The following TNFAIP8 variants were observed in gnomAD, a reference collection of about 807,000 sequenced individuals.
TNFAIP8 encodes TNF alpha induced protein 8.
In TNFAIP8, 7 loss-of-function variants were observed where a neutral mutation model predicts 13.3. The observed-to-expected ratio is 0.52, with a 90% CI of 0.30 to 0.99. The LOEUF (loss-of-function observed/expected upper bound fraction) is 0.99, where lower values mean the gene tolerates loss of function less well. Ranked by LOEUF, TNFAIP8 falls within the 50% of genes least tolerant of loss-of-function variation. The pLI is 0.07. For synonymous variants in TNFAIP8, 94 were observed against 87.6 expected (o/e 1.07, Z -0.41); for missense variants, 258 against 236.9 (o/e 1.09, Z -0.58).
intron 1 of TNFAIP8, among the ~76,000 whole-genome samples, chr5:119,369,671 C>T (rs932247237): frequency 2.9e-4 from 44 of 152,144 alleles, no homozygotes; most frequent in Non-Finnish European, 5.7e-4. Context: ...GTGTTTTACT[C>T]AATAGGTAGT....
intron 1 of TNFAIP8, among the ~76,000 whole-genome samples, chr5:119,356,452 C>G (rs531733290): frequency 1.3e-5 from 2 of 151,966 alleles, no homozygotes; most frequent in African/African-American, 4.8e-5. Flanking sequence ...GGGCTGCCTG[C>G]CTGCATCAGA....
chr5:119,389,405 T>C (rs1752808720), intron 1 of TNFAIP8, among the ~76,000 whole-genome samples: 1 of 126,318 alleles, frequency 7.9e-6, no homozygotes, highest in Non-Finnish European at 1.8e-5. Flanking sequence ...GTGGATGAGA[T>C]CACACAGGGG....
At chr5:119,317,018 C>A (rs1365729019) in intron 1 of TNFAIP8, among the ~76,000 whole-genome samples, 2 of 152,150 alleles carry the variant, frequency 1.3e-5, no homozygotes, top group African/African-American at 2.4e-5. Context: ...GAAGAAATGC[C>A]AGAGCAATGT....
intron 1 of TNFAIP8, among the ~76,000 whole-genome samples, chr5:119,371,648 T>A (rs1321901423): frequency 3.3e-5 from 5 of 152,252 alleles, no homozygotes; most frequent in African/African-American, 1.2e-4. Flanking sequence ...GCATGTACTT[T>A]TTATAATATA....
At position 119,396,425 on chromosome 5, in the gene TNFAIP8, A is replaced by G. The variant is rs1753074445; in HGVS notation, c.*3044A>G. ...CTTCTAGGTGCTCACAATGACTTTTAACGTTGACTTCTGAGGTGCAGTGAG... is the reference window on the plus strand; with the variant it reads ...CTTCTAGGTGCTCACAATGACTTTTGACGTTGACTTCTGAGGTGCAGTGAG... On this transcript the variant is annotated 3_prime_UTR_variant, in exon 2 of 2. Coordinates refer to ENST00000504771, the MANE Select transcript of TNFAIP8 (RefSeq NM_014350.4). 6.6e-6 allele frequency: 1 copy of G among 152,150 alleles called. No homozygotes were observed. Among genetic ancestry groups the G allele is most frequent in the Non-Finnish European group, 1.5e-5 (1 of 68,020 alleles). The allele number at this position is 152,150 out of a possible 1,614,324, so 9.4% of individuals were successfully genotyped here. A position where few individuals can be genotyped will look rare whatever the true frequency, so the allele number is the denominator to read the frequency against.
At chr5:119,312,545 G>A (rs773267422) in intron 1 of TNFAIP8, among the ~76,000 whole-genome samples, 38 of 152,070 alleles carry the variant, frequency 2.5e-4, no homozygotes, top group Middle Eastern at 3.4e-3. Context: ...GGACTCAAAT[G>A]ACACCGCCAG....
chr5:119,339,255 C>T (rs1048221797), intron 1 of TNFAIP8, among the ~76,000 whole-genome samples: 8 of 152,212 alleles, frequency 5.3e-5, no homozygotes, highest in African/African-American at 1.9e-4. Flanking sequence ...TTTCTGATGC[C>T]TCAGTGACCA....
At chr5:119,325,605 A>G (rs1212134378) in intron 1 of TNFAIP8, among the ~76,000 whole-genome samples, 1 of 151,858 alleles carries the variant, frequency 6.6e-6, no homozygotes, top group Non-Finnish European at 1.5e-5. Flanking sequence ...CCGCCACCAT[A>G]CCCGGCTAAT....
At chr5:119,310,295 G>A (rs923497757) in intron 1 of TNFAIP8, among the ~76,000 whole-genome samples, 1 of 151,912 alleles carries the variant, frequency 6.6e-6, no homozygotes, top group African/African-American at 2.4e-5. Flanking sequence ...TGGTAAGGTC[G>A]TCCTGGGAGA....
intron 1 of TNFAIP8, among the ~76,000 whole-genome samples, chr5:119,341,726 T>C (rs1750743111): frequency 6.6e-6 from 1 of 152,272 alleles, no homozygotes; most frequent in East Asian, 1.9e-4. Context: ...TTCCTGGCCT[T>C]TAGGGGCTGA....
intron 1 of TNFAIP8, among the ~76,000 whole-genome samples, chr5:119,360,104 A>G (rs997139766): frequency 2.0e-5 from 3 of 152,144 alleles, no homozygotes; most frequent in African/African-American, 7.2e-5. Flanking sequence ...TTTTTATCAT[A>G]TTGAATATGC....
At chr5:119,330,245 G>A (rs900349085) in intron 1 of TNFAIP8, among the ~76,000 whole-genome samples, 5 of 152,200 alleles carry the variant, frequency 3.3e-5, no homozygotes, top group African/African-American at 1.2e-4. Context: ...AGGGATTAGG[G>A]AACGTCCTGG....
intron 1 of TNFAIP8, among the ~76,000 whole-genome samples, chr5:119,381,277 A>G (rs1008679324): frequency 1.2e-4 from 18 of 152,220 alleles, no homozygotes; most frequent in Non-Finnish European, 8.8e-5. Flanking sequence ...GCCGTGGTTC[A>G]CGCTTGTAAT....
chr5:119,278,376 A>AGTGTGTGTGTGTGTGT (rs71591297), intron 1 of TNFAIP8, among the ~76,000 whole-genome samples: 2 of 108,238 alleles, frequency 1.8e-5, no homozygotes, highest in East Asian at 5.8e-4. Flanking sequence ...AGAGAGAGAG[A>AGTGTGTGTGTGTGTGT]GTGTGTGTGT....
Position 119,375,277 on chromosome 5 carries a change from G to A in TNFAIP8, c.32-17539G>A, listed in dbSNP as rs145727954. Among the ~76,000 whole-genome samples the A allele has an allele frequency of 4.2e-3, 646 of 152,234 alleles. 3 individuals carry two copies. Among genetic ancestry groups the A allele is most frequent in the African/African-American group, 0.014 (599 of 41,532 alleles). On this transcript the variant is annotated intron_variant, in intron 1 of 1. Coordinates refer to ENST00000504771, the MANE Select transcript of TNFAIP8 (RefSeq NM_014350.4). ...CTAGGCCTCTGTTTTTCTTCCTGTGGTCTCCACGGCTTCTTCTATCTCCTA... is the reference window on the plus strand; with the variant it reads ...CTAGGCCTCTGTTTTTCTTCCTGTGATCTCCACGGCTTCTTCTATCTCCTA...
chr5:119,381,916 C>T (rs1203013046), intron 1 of TNFAIP8, among the ~76,000 whole-genome samples: 2 of 151,514 alleles, frequency 1.3e-5, no homozygotes, highest in South Asian at 2.1e-4. Context: ...TGCAAGACTC[C>T]GTCTCAAAAA....
chr5:119,384,133 C>T (rs560454052), intron 1 of TNFAIP8, among the ~76,000 whole-genome samples: 3 of 152,296 alleles, frequency 2.0e-5, no homozygotes, highest in Admixed American at 6.5e-5. Flanking sequence ...CCTCAGTCAC[C>T]TCATTTCTAA....
At chr5:119,329,960 T>C (rs1750324058) in intron 1 of TNFAIP8, among the ~76,000 whole-genome samples, 2 of 152,140 alleles carry the variant, frequency 1.3e-5, no homozygotes, top group Non-Finnish European at 2.9e-5. Flanking sequence ...TCTCAGTCCC[T>C]GAGTCTCCTG....
chr5:119,284,325 T>C (rs1454204016), intron 1 of TNFAIP8, among the ~76,000 whole-genome samples: 1 of 152,018 alleles, frequency 6.6e-6, no homozygotes, highest in African/African-American at 2.4e-5. Flanking sequence ...GATGGAGATC[T>C]TGAATATTGT....
Sources: gnomAD v4.1 joint callset for allele counts (sites outside exome capture counted in the v4.1 genomes callset) on GRCh38, gnomAD v4.1.1 for gene constraint, MANE v1.5 for transcripts, NCBI Gene and HGNC (gene_info 2026-07-23, HGNC 2026-07-21) for gene names.